Variants in TGFBR2 observed in about 807,000 individuals in gnomAD.
TGFBR2 encodes TGF-beta receptor type-2.
TGFBR2 carries 18 observed loss-of-function variants against 49.0 expected under a neutral mutation model. The ratio of observed to expected loss-of-function variants is 0.37; its 90% CI spans 0.25 to 0.54. TGFBR2 has a LOEUF of 0.54. Ranked by LOEUF, TGFBR2 falls within the 20% of genes least tolerant of loss-of-function variation. TGFBR2 has a pLI of 0.85. For synonymous variants in TGFBR2, 282 were observed against 275.9 expected (o/e 1.02, Z -0.22); for missense variants, 525 against 722.6 (o/e 0.73, Z 3.13).
intron 3 of TGFBR2, among the ~76,000 whole-genome samples, chr3:30,667,040 A>G (rs1274303912): frequency 6.6e-6 from 1 of 152,206 alleles, no homozygotes; most frequent in East Asian, 1.9e-4. Context: ...CTCATTGTAA[A>G]TACCAGCTTT....
chr3:30,635,760 G>T (rs767261218), intron 1 of TGFBR2, among the ~76,000 whole-genome samples: 2 of 152,120 alleles, frequency 1.3e-5, no homozygotes, highest in African/African-American at 2.4e-5. Flanking sequence ...TTATGTTTAT[G>T]CAGTTTTCTT....
At chr3:30,636,414 C>T (rs1161863660) in intron 1 of TGFBR2, among the ~76,000 whole-genome samples, 1 of 151,882 alleles carries the variant, frequency 6.6e-6, no homozygotes, top group Non-Finnish European at 1.5e-5. Flanking sequence ...TGGTGGTCTC[C>T]CTATTAGGTA....
intron 3 of TGFBR2, among the ~76,000 whole-genome samples, chr3:30,658,650 GAGA>G (rs1298920938): frequency 6.6e-6 from 1 of 152,232 alleles, no homozygotes; most frequent in Admixed American, 6.5e-5. Context: ...GAGAGGGGCA[GAGA>G]AGAAGACTTC....
rs565001218 is a variant in TGFBR2, at chr3:30,682,577, G to A, written c.1397-5807G>A. Among the ~76,000 whole-genome samples the A allele has an allele frequency of 7.9e-5, 12 of 152,258 alleles. No homozygotes were observed. In the South Asian group the frequency reaches 1.0e-3, roughly 13 times the overall value. ...AGCATCATTTGATCAAATGTGCAAA[G>A]AGGAACTGCATTAATTCTATTGCCA... On this transcript the variant is annotated intron_variant, in intron 5 of 6. Transcript: ENST00000295754.
At position 30,694,030 on chromosome 3, in the gene TGFBR2, T is replaced by C. The variant is rs1419771900; in HGVS notation, c.*2431T>C. 1.7e-5 allele frequency: 4 copies of C among 230,452 alleles called. No individual in the cohort carries two copies. The highest frequency in any genetic ancestry group is 6.6e-5 in the African/African-American group (3 of 45,172). 14.3% of individuals were successfully genotyped at this position (230,452 alleles called of 1,614,324 possible). A position where few individuals can be genotyped will look rare whatever the true frequency, so the allele number is the denominator to read the frequency against. On this transcript the variant is annotated 3_prime_UTR_variant, in exon 7 of 7. Coordinates refer to ENST00000295754, the MANE Select transcript of TGFBR2 (RefSeq NM_003242.6). ...TTATATCAAAAGTCTCAAGCACTTATTTTTATTCTATGCATTGTTTGTCTT... is the reference window on the plus strand; with the variant it reads ...TTATATCAAAAGTCTCAAGCACTTACTTTTATTCTATGCATTGTTTGTCTT...
chr3:30,645,378 C>A (rs1409753048), intron 2 of TGFBR2, among the ~76,000 whole-genome samples: 1 of 152,016 alleles, frequency 6.6e-6, no homozygotes, highest in Admixed American at 6.6e-5. Flanking sequence ...GGGGAATCTA[C>A]TTGGAGAACC....
In TGFBR2 at chr3:30,623,692, G is replaced by A. The variant is rs188577564; in HGVS notation, c.94+16715G>A. Among the ~76,000 whole-genome samples the A allele has an allele frequency of 4.4e-3, 671 of 152,240 alleles. 2 individuals carry two copies. Among genetic ancestry groups the A allele is most frequent in the Non-Finnish European group, 7.6e-3 (516 of 68,030 alleles). ...CCAGTTTCTGCAGTCCTGTAGTTTT[G>A]CCCCTCACTAGAACTTCAAGTTGCT... is the stretch of plus-strand genomic sequence containing the variant. On this transcript the variant is annotated intron_variant, in intron 1 of 6. Coordinates refer to ENST00000295754, the MANE Select transcript of TGFBR2 (RefSeq NM_003242.6).
chr3:30,609,776 A>G lies in TGFBR2; in HGVS notation c.94+2799A>G, dbSNP rs185423203. On this transcript the variant is annotated intron_variant, in intron 1 of 6. Transcript: ENST00000295754. ...TTATTTTGTCAGGGTAAGAGACTAG[A>G]CATCATTAGGCCCCAAATCTGATCT... Among the ~76,000 whole-genome samples, 201 of 152,326 alleles carry G rather than the reference A, an allele frequency of 1.3e-3. 1 individual carries two copies. The highest frequency in any genetic ancestry group is 4.7e-3 in the African/African-American group (195 of 41,580).
chr3:30,682,237 T>G (rs924401257), intron 5 of TGFBR2, among the ~76,000 whole-genome samples: 2 of 152,224 alleles, frequency 1.3e-5, no homozygotes, highest in African/African-American at 4.8e-5. Context: ...TATTCTTATT[T>G]TGTGGATATA....
chr3:30,635,706 A>G (rs554893481), intron 1 of TGFBR2, among the ~76,000 whole-genome samples: 1 of 152,334 alleles, frequency 6.6e-6, no homozygotes, highest in African/African-American at 2.4e-5. Flanking sequence ...TTGAGACACA[A>G]GTAATCATTC....
intron 5 of TGFBR2, among the ~76,000 whole-genome samples, chr3:30,674,783 A>T (rs1699405983): frequency 6.6e-6 from 1 of 152,104 alleles, no homozygotes; most frequent in Admixed American, 6.5e-5. Context: ...CCGTCTTCTT[A>T]CTGCTTAAGC....
In TGFBR2 at chr3:30,636,867, A is replaced by G. The variant is rs542042858; in HGVS notation, c.95-7880A>G. Among the ~76,000 whole-genome samples the G allele has an allele frequency of 2.1e-3, 325 of 152,108 alleles. 2 individuals are homozygous for G. The highest frequency in any genetic ancestry group is 8.3e-3 in the South Asian group (40 of 4,818). Reference sequence around the variant, plus strand: ...ATCACGAGGTCAGGAGATCGAGACCATCCTGGCTAACACGGTGAAACCCCG... The same window carrying G: ...ATCACGAGGTCAGGAGATCGAGACCGTCCTGGCTAACACGGTGAAACCCCG... On this transcript the variant is annotated intron_variant, in intron 1 of 6. Coordinates refer to ENST00000295754, the MANE Select transcript of TGFBR2 (RefSeq NM_003242.6).
chr3:30,619,049 T>A (rs1698181183), intron 1 of TGFBR2, among the ~76,000 whole-genome samples: 1 of 152,244 alleles, frequency 6.6e-6, no homozygotes, highest in African/African-American at 2.4e-5. Context: ...ATAATTTTAT[T>A]TTCTGACTTT....
chr3:30,629,066 C>A (rs1411798425), intron 1 of TGFBR2, among the ~76,000 whole-genome samples: 2 of 152,142 alleles, frequency 1.3e-5, no homozygotes, highest in Non-Finnish European at 2.9e-5. Flanking sequence ...TCTGGGCCTT[C>A]GTTTTCAGAT....
At chr3:30,648,591 C>T (rs1405202630) in intron 2 of TGFBR2, among the ~76,000 whole-genome samples, 1 of 152,056 alleles carries the variant, frequency 6.6e-6, no homozygotes, top group African/African-American at 2.4e-5. Context: ...ATGATCATGC[C>T]AACTTTCATT....
chr3:30,607,102 C>T, intron 1 of TGFBR2, 125 bp downstream of exon 1: 1 of 737,478 alleles, frequency 1.4e-6, no homozygotes, highest in Non-Finnish European at 2.3e-6. Flanking sequence ...GAAAGTTTCC[C>T]CCGCGACACT....
intron 1 of TGFBR2, among the ~76,000 whole-genome samples, chr3:30,627,928 G>A (rs1698363289): frequency 6.6e-6 from 1 of 152,040 alleles, no homozygotes; most frequent in Admixed American, 6.5e-5. Context: ...GTCCGTTCAG[G>A]TAATTTCTTA....
At position 30,692,880 on chromosome 3, in the gene TGFBR2, G is replaced by A. The variant is rs1215627401; in HGVS notation, c.*1281G>A. On this transcript the variant is annotated 3_prime_UTR_variant, in exon 7 of 7. Transcript: ENST00000295754. ...AGCAGATGGTTTTCAGTTATCTCCA[G>A]TCCACGTTCACAAAATGTGAAGGTG... The A allele has an allele frequency of 8.6e-6, 2 of 233,066 alleles. No individual in the cohort carries two copies. The allele number at this position is 233,066 out of a possible 1,614,324, so 14.4% of individuals were successfully genotyped here. A position where few individuals can be genotyped will look rare whatever the true frequency, so the allele number is the denominator to read the frequency against.
At chr3:30,625,653 T>C (rs1024292230) in intron 1 of TGFBR2, among the ~76,000 whole-genome samples, 2 of 152,200 alleles carry the variant, frequency 1.3e-5, no homozygotes, top group African/African-American at 4.8e-5. Flanking sequence ...ATTTATACAA[T>C]GGCAACTAAA....
Sources: allele counts gnomAD v4.1 joint callset (sites outside exome capture counted in the v4.1 genomes callset), GRCh38; gene constraint gnomAD v4.1.1; transcripts MANE v1.5; gene names NCBI Gene and HGNC (gene_info 2026-07-23, HGNC 2026-07-21).